The following SCG5 variants were observed in gnomAD, a reference collection of about 807,000 sequenced individuals.
SCG5 encodes secretogranin V.
A neutral mutation model predicts 25.7 loss-of-function variants in SCG5; 18 were observed. The ratio of observed to expected loss-of-function variants is 0.70; its 90% CI spans 0.48 to 1.04. The LOEUF is 1.04. SCG5 is among the 50% of genes least tolerant of loss of function. The pLI is 0.00. For missense variants in SCG5, 206 were observed against 259.8 expected (o/e 0.79, Z 1.42); for synonymous variants, 101 against 91.7 (o/e 1.10, Z -0.58).
chr15:32,696,632 C>T lies in SCG5; in HGVS notation c.*23C>T, dbSNP rs2054972627. 3.3e-6 allele frequency: 5 copies of T among 1,505,112 alleles called. No individual in the cohort carries two copies. The highest frequency in any genetic ancestry group is 1.4e-5 in the African/African-American group (1 of 72,982). 93.2% of individuals were successfully genotyped at this position (1,505,112 alleles called of 1,614,324 possible). ...TAAAGAGAAGATGCTAGACGAAAAC[C>T]CACATTACCTGTTAGGCCTCAGCAT... On this transcript the variant is annotated 3_prime_UTR_variant, in exon 6 of 6. Transcript: ENST00000300175.
chr15:32,656,520 C>G (rs537631402), intron 2 of SCG5, among the ~76,000 whole-genome samples: 4 of 152,274 alleles, frequency 2.6e-5, no homozygotes, highest in South Asian at 4.1e-4. Flanking sequence ...TTAAGCTTTA[C>G]GAGTTAAATG....
chr15:32,660,232 C>T (rs916153863), intron 2 of SCG5, among the ~76,000 whole-genome samples: 24 of 152,070 alleles, frequency 1.6e-4, no homozygotes, highest in African/African-American at 1.2e-4. Context: ...TGTGGACAGG[C>T]GAGATGTACC....
At chr15:32,651,639 A>AC (rs758196827) in intron 2 of SCG5, among the ~76,000 whole-genome samples, 5 of 152,104 alleles carry the variant, frequency 3.3e-5, no homozygotes, top group Non-Finnish European at 5.9e-5. Flanking sequence ...ATGGACTGGG[A>AC]CCGCCCAATG....
chr15:32,651,891 G>C (rs1464410234), intron 2 of SCG5, among the ~76,000 whole-genome samples: 2 of 152,212 alleles, frequency 1.3e-5, no homozygotes, highest in Non-Finnish European at 2.9e-5. Context: ...GCACAGGAGA[G>C]AAGTCTGGGA....
intron 4 of SCG5, among the ~76,000 whole-genome samples, chr15:32,688,727 G>A (rs1286111701): frequency 2.0e-5 from 3 of 152,114 alleles, no homozygotes; most frequent in Non-Finnish European, 2.9e-5. Context: ...GGGAGGCCGA[G>A]GCAGGCGGAT....
intron 2 of SCG5, among the ~76,000 whole-genome samples, chr15:32,647,615 A>G (rs1266115308): frequency 6.6e-6 from 1 of 152,034 alleles, no homozygotes; most frequent in Admixed American, 6.6e-5. Flanking sequence ...CTTTCCTCAC[A>G]TGCCAATTGT....
intron 1 of SCG5, 71 bp from the exon 2 acceptor site, chr15:32,643,515 C>A: frequency 8.2e-7 from 1 of 1,225,770 alleles, no homozygotes; most frequent in Non-Finnish European, 1.2e-6. Flanking sequence ...GGAGTGGTTG[C>A]ATCATTATAA....
chr15:32,696,227 C>T (rs181647818), intron 5 of SCG5, among the ~76,000 whole-genome samples: 1,753 of 152,238 alleles, frequency 0.012, 22 homozygotes, highest in Non-Finnish European at 0.018. Context: ...ACGCCATTCT[C>T]CTGCCTCAGC....
intron 2 of SCG5, chr15:32,673,163 A>G (rs540468918): frequency 5.3e-5 from 8 of 152,282 alleles, no homozygotes; most frequent in African/African-American, 1.9e-4. Flanking sequence ...ATGGGGCAGC[A>G]GGATCCTTTC....
chr15:32,663,032 A>AAT (rs67571496), intron 2 of SCG5, among the ~76,000 whole-genome samples: 792 of 79,004 alleles, frequency 0.01, 5 homozygotes, highest in Non-Finnish European at 0.015. Flanking sequence ...AAAAAAAAAG[A>AAT]ATATATATAT....
At chr15:32,647,875 A>G (rs572477404) in intron 2 of SCG5, among the ~76,000 whole-genome samples, 6 of 152,134 alleles carry the variant, frequency 3.9e-5, no homozygotes, top group Non-Finnish European at 8.8e-5. Flanking sequence ...GGCGGCCTTT[A>G]AAAGTTAAGT....
intron 2 of SCG5, among the ~76,000 whole-genome samples, chr15:32,675,686 A>G (rs886079077): frequency 1.3e-5 from 2 of 152,212 alleles, no homozygotes; most frequent in African/African-American, 4.8e-5. Flanking sequence ...TCCGTGGCCT[A>G]GATCTGGGCT....
intron 2 of SCG5, among the ~76,000 whole-genome samples, chr15:32,669,523 TAA>T (rs1014465997): frequency 2.6e-5 from 4 of 152,166 alleles, no homozygotes; most frequent in South Asian, 2.1e-4. Flanking sequence ...AATTATAAAA[TAA>T]AGTTTTTAAA....
intron 5 of SCG5, among the ~76,000 whole-genome samples, chr15:32,692,828 C>T (rs2054883362): frequency 7.2e-5 from 11 of 152,164 alleles, no homozygotes; most frequent in Admixed American, 7.2e-4. Flanking sequence ...CAGCATCAGT[C>T]CTCAGGCCCC....
chr15:32,671,315 T>G (rs956702775), intron 2 of SCG5, among the ~76,000 whole-genome samples: 1 of 152,242 alleles, frequency 6.6e-6, no homozygotes, highest in Non-Finnish European at 1.5e-5. Flanking sequence ...AAAGGTCTTA[T>G]AAATAAGAGT....
intron 2 of SCG5, among the ~76,000 whole-genome samples, chr15:32,669,704 C>G (rs17228564): frequency 0.21 from 32,186 of 151,950 alleles, 3,578 homozygotes; most frequent in Non-Finnish European, 0.23. Flanking sequence ...TAAATTCACA[C>G]CTCTCCTAAA....
intron 2 of SCG5, 141 bp downstream of exon 2, chr15:32,643,959 C>G (rs191416230): frequency 3.9e-5 from 27 of 687,878 alleles, no homozygotes; most frequent in Non-Finnish European, 5.6e-5. Context: ...TTAAGAGACT[C>G]TACTTTCTCA....
chr15:32,673,714 G>A (rs2054483361), intron 2 of SCG5, among the ~76,000 whole-genome samples: 1 of 152,054 alleles, frequency 6.6e-6, no homozygotes. Flanking sequence ...TATTGCATCT[G>A]GGACCATTTA....
At chr15:32,673,474 T>A (rs1026370902) in intron 2 of SCG5, among the ~76,000 whole-genome samples, 1 of 151,276 alleles carries the variant, frequency 6.6e-6, no homozygotes, top group African/African-American at 2.4e-5. Context: ...GAATGCAGAA[T>A]CTCAGGCCCC....
Sources: gnomAD v4.1 joint callset for allele counts (sites outside exome capture counted in the v4.1 genomes callset) on GRCh38, gnomAD v4.1.1 for gene constraint, MANE v1.5 for transcripts, NCBI Gene and HGNC (gene_info 2026-07-23, HGNC 2026-07-21) for gene names.